DEK: variants seen among roughly 807,000 people sequenced by gnomAD.
DEK encodes the protein DEK proto-oncogene.
A neutral mutation model predicts 46.8 loss-of-function variants in DEK; 28 were observed. The ratio of observed to expected loss-of-function variants is 0.60; its 90% CI spans 0.44 to 0.82. The LOEUF (loss-of-function observed/expected upper bound fraction) is 0.82, where lower values mean the gene tolerates loss of function less well. Among genes scored for constraint, DEK ranks in the 40% least tolerant of loss-of-function variants. The pLI is 0.00. For missense variants in DEK, 416 were observed against 430.6 expected, an observed-to-expected ratio of 0.97 and a Z score of 0.30; for synonymous variants, 160 against 144.5, an observed-to-expected ratio of 1.11 and a Z score of -0.77.
At chr6:18,264,109 C>T (rs889821777) in intron 1 of DEK, 113 bp from the exon 2 acceptor site, 9 of 984,104 alleles carry the variant, frequency 9.1e-6, no homozygotes, top group Non-Finnish European at 1.3e-5. Context: ...CTGAAAGTTG[C>T]CTCCTCCCAT....
chr6:18,248,027 T>C (rs1791200644), intron 7 of DEK, among the ~76,000 whole-genome samples: 1 of 152,122 alleles, frequency 6.6e-6, no homozygotes, highest in Non-Finnish European at 1.5e-5. Flanking sequence ...ATTTAGAAGT[T>C]TTACTTGTCA....
chr6:18,236,042 A>G (rs1346291036), intron 9 of DEK, among the ~76,000 whole-genome samples: 4 of 152,206 alleles, frequency 2.6e-5, no homozygotes, highest in Non-Finnish European at 4.4e-5. Context: ...AAGACGCTGC[A>G]GAAGTCTGAG....
chr6:18,234,904 T>C (rs1013344452), intron 9 of DEK, among the ~76,000 whole-genome samples: 4 of 152,320 alleles, frequency 2.6e-5, no homozygotes, highest in South Asian at 2.1e-4. Context: ...CTCTTGCTTT[T>C]ACCACCCTAT....
intron 9 of DEK, among the ~76,000 whole-genome samples, chr6:18,227,172 T>G (rs1408169291): frequency 6.6e-6 from 1 of 152,062 alleles, no homozygotes; most frequent in Non-Finnish European, 1.5e-5. Flanking sequence ...GGGTCTGTGC[T>G]GAGGAGGGTT....
At chr6:18,261,005 A>C (rs1169489693) in intron 2 of DEK, among the ~76,000 whole-genome samples, 1 of 146,916 alleles carries the variant, frequency 6.8e-6, no homozygotes, top group Non-Finnish European at 1.5e-5. Context: ...AAAAAAAAAG[A>C]AAGAAAACCT....
At chr6:18,238,887 C>G (rs765029252) in intron 7 of DEK, among the ~76,000 whole-genome samples, 3 of 152,108 alleles carry the variant, frequency 2.0e-5, no homozygotes, top group Non-Finnish European at 4.4e-5. Flanking sequence ...AAATGTTTAA[C>G]ACTCTTGATT....
Position 18,241,180 on chromosome 6 carries a change from G to A in DEK, c.763-3664C>T, listed in dbSNP as rs117211184. Among the ~76,000 whole-genome samples the A allele has an allele frequency of 2.1e-3, 323 of 152,218 alleles. 7 individuals carry two copies. The East Asian group carries it at 0.057, about 27-fold the overall frequency. ...GCTGCCCTGAAGGTTATTAGGTATA[G>A]GAGGAATAGGTCTCTGGAAAATGGG... On this transcript the variant is annotated intron_variant, in intron 7 of 10. Coordinates refer to ENST00000652689, the MANE Select transcript of DEK (RefSeq NM_003472.4).
At chr6:18,226,636 C>CA (rs1336768137) in intron 9 of DEK, among the ~76,000 whole-genome samples, 2 of 152,144 alleles carry the variant, frequency 1.3e-5, no homozygotes, top group African/African-American at 4.8e-5. Context: ...AAAAAGTAGC[C>CA]AGGCATGGTC....
intron 2 of DEK, among the ~76,000 whole-genome samples, chr6:18,263,327 C>G (rs1489097346): frequency 1.3e-5 from 2 of 152,066 alleles, no homozygotes; most frequent in East Asian, 1.9e-4. Context: ...CGCTGTTTGC[C>G]AGGGAGGGAA....
intron 9 of DEK, among the ~76,000 whole-genome samples, chr6:18,230,531 A>T (rs1790367726): frequency 6.6e-6 from 1 of 152,234 alleles, no homozygotes; most frequent in Non-Finnish European, 1.5e-5. Flanking sequence ...GGGATGGAGG[A>T]AGATCTACCA....
intron 7 of DEK, among the ~76,000 whole-genome samples, chr6:18,248,387 A>G (rs1252749328): frequency 6.6e-6 from 1 of 152,230 alleles, no homozygotes; most frequent in African/African-American, 2.4e-5. Flanking sequence ...TAGACACCAA[A>G]TATTTCCTGA....
intron 9 of DEK, among the ~76,000 whole-genome samples, chr6:18,228,920 T>A (rs1582251530): frequency 6.6e-6 from 1 of 152,200 alleles, no homozygotes; most frequent in Non-Finnish European, 1.5e-5. Flanking sequence ...GAGGCCTGAC[T>A]GCCTCTGTAG....
At chr6:18,237,185 C>CTCTA in intron 8 of DEK, 196 bp downstream of exon 8, 4 of 482,632 alleles carry the variant, frequency 8.3e-6, no homozygotes, top group African/African-American at 6.1e-5. Flanking sequence ...GTCTCTCTCT[C>CTCTA]TATATATATA....
chr6:18,259,394 CAAAA>C (rs56704006), intron 2 of DEK, among the ~76,000 whole-genome samples: 579 of 41,354 alleles, frequency 0.014, 7 homozygotes, highest in Non-Finnish European at 0.021. Flanking sequence ...GACTCCGTCT[CAAAA>C]AAAAAAAAAA....
Position 18,256,360 on chromosome 6 carries a change from C to G in DEK, c.452+1G>C. On this transcript the variant is annotated splice_donor_variant, in intron 5 of 10. Coordinates refer to ENST00000652689, the MANE Select transcript of DEK (RefSeq NM_003472.4). LOFTEE classifies it high-confidence loss of function. Reference sequence around the variant, plus strand: ...ATACAGTATTTATAAAAATAACTTACTTTTTCAACATTTCTTCCTTCTTTT... The same window carrying G: ...ATACAGTATTTATAAAAATAACTTAGTTTTTCAACATTTCTTCCTTCTTTT... The G allele has an allele frequency of 6.2e-7, 1 of 1,606,054 alleles. No individual in the cohort carries two copies.
At chr6:18,235,673 G>A (rs990612306) in intron 9 of DEK, among the ~76,000 whole-genome samples, 1 of 152,146 alleles carries the variant, frequency 6.6e-6, no homozygotes, top group Non-Finnish European at 1.5e-5. Flanking sequence ...TTTTTTGGTA[G>A]AGACGGGATC....
chr6:18,248,138 A>C (rs980589204), intron 7 of DEK, among the ~76,000 whole-genome samples: 2 of 152,258 alleles, frequency 1.3e-5, no homozygotes, highest in South Asian at 2.1e-4. Context: ...CTTTAATATG[A>C]CCCTATGAGG....
chr6:18,250,474 A>G (rs941600108), intron 6 of DEK, among the ~76,000 whole-genome samples: 2 of 152,086 alleles, frequency 1.3e-5, no homozygotes, highest in Non-Finnish European at 2.9e-5. Context: ...GTCTCAAAAA[A>G]ACACAAAAAG....
Position 18,231,655 on chromosome 6 carries a change from G to C in DEK, c.1047+4797C>G, listed in dbSNP as rs7742444. The stretch of plus-strand genomic sequence containing the variant: ...TTCCTGGACACATACACCCTCCCAA[G>C]ACTAAACCAGGAAGAAGTTGAATCT... On this transcript the variant is annotated intron_variant, in intron 9 of 10. Transcript: ENST00000652689. Among the ~76,000 whole-genome samples, 619 of 152,234 alleles carry C rather than the reference G, an allele frequency of 4.1e-3. 9 individuals are homozygous for C. Among genetic ancestry groups the C allele is most frequent in the African/African-American group, 0.014 (565 of 41,512 alleles).
Sources: allele counts gnomAD v4.1 joint callset (sites outside exome capture counted in the v4.1 genomes callset), GRCh38; gene constraint gnomAD v4.1.1; transcripts MANE v1.5; gene names NCBI Gene and HGNC (gene_info 2026-07-23, HGNC 2026-07-21).